The following KLHDC4 variants were observed in gnomAD, a reference collection of about 807,000 sequenced individuals.
KLHDC4 encodes the protein kelch domain-containing protein 4.
In KLHDC4, 90 loss-of-function variants were observed where a neutral mutation model predicts 62.4. That is an observed-to-expected ratio of 1.44 (90% CI 1.22 to 1.72). KLHDC4 has a LOEUF of 1.72. KLHDC4 is among the 40% of genes most tolerant of loss of function. KLHDC4 has a pLI of 0.00. For missense variants in KLHDC4, 1,025 were observed against 699.7 expected, an observed-to-expected ratio of 1.47 and a Z score of -5.25; for synonymous variants, 386 against 284.4, an observed-to-expected ratio of 1.36 and a Z score of -3.59.
chr16:87,733,989 G>T (rs4843263), intron 5 of KLHDC4, among the ~76,000 whole-genome samples: 18,216 of 152,224 alleles, frequency 0.12, 1,673 homozygotes, highest in African/African-American at 0.25. Context: ...ATGTTACACA[G>T]CTGTCCCCAA....
downstream of KLHDC4, among the ~76,000 whole-genome samples, chr16:87,704,073 G>T (rs1005572894): frequency 9.4e-4 from 143 of 152,194 alleles, no homozygotes; most frequent in Non-Finnish European, 4.0e-4. Context: ...TTTTCCTTCC[G>T]GGCTGGGGAA....
At chr16:87,763,695 C>T (rs2046205047) in intron 1 of KLHDC4, 1 of 152,224 alleles carries the variant, frequency 6.6e-6, no homozygotes, top group Non-Finnish European at 1.5e-5. Flanking sequence ...GTTAAACAAA[C>T]AGTTCAAATA....
At chr16:87,755,893 G>T (rs1180517037) in intron 3 of KLHDC4, 2 of 161,400 alleles carry the variant, frequency 1.2e-5, no homozygotes, top group East Asian at 3.4e-4. Flanking sequence ...CACGAAAACT[G>T]AGAGACGAAG....
chr16:87,714,617 T>C (rs1211474638), intron 7 of KLHDC4, 44 bp from the exon 8 acceptor site: 22 of 1,607,002 alleles, frequency 1.4e-5, no homozygotes, highest in Non-Finnish European at 1.9e-5. Flanking sequence ...GCAGCTACAG[T>C]GGTTGCTTAC....
chr16:87,742,932 G>C (rs1263390145), intron 5 of KLHDC4: 2 of 152,292 alleles, frequency 1.3e-5, no homozygotes, highest in Non-Finnish European at 2.9e-5. Flanking sequence ...TCTGCCACAG[G>C]TATGAAGTGA....
At chr16:87,756,346 G>C in intron 3 of KLHDC4, 53 bp downstream of exon 3, 1 of 1,330,580 alleles carries the variant, frequency 7.5e-7, no homozygotes, top group Non-Finnish European at 1.1e-6. Flanking sequence ...TTAACTTTCT[G>C]TCAAATGATA....
intron 5 of KLHDC4, among the ~76,000 whole-genome samples, chr16:87,737,043 T>G (rs2041434765): frequency 7.6e-6 from 1 of 132,116 alleles, no homozygotes; most frequent in South Asian, 2.4e-4. Context: ...GAGAATTGCT[T>G]GAACTCAGGA....
intron 7 of KLHDC4, among the ~76,000 whole-genome samples, chr16:87,719,187 G>C (rs899375285): frequency 6.6e-6 from 1 of 152,272 alleles, no homozygotes; most frequent in African/African-American, 2.4e-5. Context: ...AGCTCATTGA[G>C]AATGGGCCAT....
chr16:87,758,033 A>C (rs2045265203), intron 2 of KLHDC4, among the ~76,000 whole-genome samples: 1 of 152,220 alleles, frequency 6.6e-6, no homozygotes, highest in Non-Finnish European at 1.5e-5. Flanking sequence ...CGTGCTCCAT[A>C]ATGCCAACTC....
At chr16:87,743,199 G>A (rs2042505337) in intron 5 of KLHDC4, among the ~76,000 whole-genome samples, 2 of 152,176 alleles carry the variant, frequency 1.3e-5, no homozygotes, top group South Asian at 4.1e-4. Flanking sequence ...TTGAACTCCT[G>A]AGCTCAAGTG....
chr16:87,738,760 CACACCAGCACCTCATCCAT>C (rs1240580539), intron 5 of KLHDC4, among the ~76,000 whole-genome samples: 50 of 127,270 alleles, frequency 3.9e-4, no homozygotes, highest in African/African-American at 1.3e-3. Context: ...ACCTCATCCA[CACACCAGCACCTCATCCAT>C]CCACACACCA....
exon 1 of KLHDC4, chr16:87,698,830 G>C (rs1334505167): frequency 6.6e-6 from 1 of 152,268 alleles, no homozygotes; most frequent in Non-Finnish European, 1.5e-5. Context: ...CCTGCACACA[G>C]TCGGGCAGGG....
intron 5 of KLHDC4, among the ~76,000 whole-genome samples, chr16:87,743,733 C>A (rs1438811286): frequency 6.6e-6 from 1 of 151,666 alleles, no homozygotes; most frequent in Non-Finnish European, 1.5e-5. Flanking sequence ...GAGCGCGACA[C>A]CGCCTCAAAA....
intron 7 of KLHDC4, among the ~76,000 whole-genome samples, chr16:87,717,069 A>G (rs539595770): frequency 7.2e-4 from 109 of 152,320 alleles, no homozygotes; most frequent in Middle Eastern, 6.8e-3. Context: ...ATCTCTCCCA[A>G]AAAATATGAA....
intron 5 of KLHDC4, among the ~76,000 whole-genome samples, chr16:87,748,468 G>A (rs939256802): frequency 5.3e-5 from 8 of 152,150 alleles, no homozygotes; most frequent in African/African-American, 1.9e-4. Flanking sequence ...CCAGGCAGCT[G>A]GCACCCCCCA....
chr16:87,709,755 G>C (rs371579321), intron 9 of KLHDC4, 88 bp from the exon 10 acceptor site: 79 of 1,413,884 alleles, frequency 5.6e-5, no homozygotes, highest in East Asian at 5.3e-4. Context: ...GCAAGGGTTT[G>C]CGGGGACCAC....
intron 5 of KLHDC4, among the ~76,000 whole-genome samples, chr16:87,733,273 G>T (rs1340433147): frequency 6.6e-6 from 1 of 152,266 alleles, no homozygotes; most frequent in Non-Finnish European, 1.5e-5. Context: ...GTCCTCCAGT[G>T]AGCAGGCGTG....
chr16:87,760,450 A>C (rs1836465591), intron 2 of KLHDC4, among the ~76,000 whole-genome samples: 1 of 151,488 alleles, frequency 6.6e-6, no homozygotes, highest in South Asian at 2.1e-4. Context: ...TACTAAAAAC[A>C]CAAAAAATTA....
intron 6 of KLHDC4, among the ~76,000 whole-genome samples, chr16:87,727,354 T>G (rs558735259): frequency 1.3e-5 from 2 of 152,242 alleles, no homozygotes; most frequent in South Asian, 2.1e-4. Context: ...ATTAGGTTAT[T>G]AGGTGTGCAA....
Sources: allele counts gnomAD v4.1 joint callset (sites outside exome capture counted in the v4.1 genomes callset), GRCh38; gene constraint gnomAD v4.1.1; transcripts MANE v1.5; gene names NCBI Gene and HGNC (gene_info 2026-07-23, HGNC 2026-07-21).